NSD1: variants seen among roughly 807,000 people sequenced by gnomAD.
NSD1 encodes the protein histone-lysine N-methyltransferase, H3 lysine-36 specific.
Under a neutral mutation model 242.7 loss-of-function variants are expected in NSD1, and 26 were observed. That is an observed-to-expected ratio of 0.11 (90% CI 0.08 to 0.15). The LOEUF is 0.15. NSD1 is among the 10% of genes least tolerant of loss of function. The pLI, the probability that NSD1 is intolerant of heterozygous loss-of-function variation, is 1.00. For missense variants in NSD1, 2,495 were observed against 3,272.8 expected, an observed-to-expected ratio of 0.76 and a Z score of 5.80; for synonymous variants, 1,106 against 1,178.1, an observed-to-expected ratio of 0.94 and a Z score of 1.25.
At chr5:177,137,706 T>G (rs949871155) in intron 2 of NSD1, among the ~76,000 whole-genome samples, 9 of 152,088 alleles carry the variant, frequency 5.9e-5, no homozygotes, top group African/African-American at 2.2e-4. Context: ...AGAATGGAGA[T>G]AGATGTTTCT....
intron 5 of NSD1, among the ~76,000 whole-genome samples, chr5:177,223,208 A>G (rs985792965): frequency 1.6e-4 from 24 of 151,518 alleles, no homozygotes; most frequent in Non-Finnish European, 3.2e-4. Flanking sequence ...CAGCCTCCCA[A>G]GTAGCTGGGA....
At chr5:177,173,445 T>G (rs1363676291) in intron 2 of NSD1, among the ~76,000 whole-genome samples, 3 of 148,612 alleles carry the variant, frequency 2.0e-5, no homozygotes. Flanking sequence ...CATTGCAGAA[T>G]CTAAAATATT....
intron 2 of NSD1, among the ~76,000 whole-genome samples, chr5:177,143,196 G>A (rs1392993888): frequency 6.6e-6 from 1 of 152,090 alleles, no homozygotes; most frequent in African/African-American, 2.4e-5. Context: ...TTACAGGTTG[G>A]TTGGTTTTTT....
chr5:177,209,116 T>C (rs1229735307), intron 4 of NSD1, among the ~76,000 whole-genome samples: 3 of 152,136 alleles, frequency 2.0e-5, no homozygotes, highest in Admixed American at 1.3e-4. Flanking sequence ...GACATAATCT[T>C]ATTAGCAGAA....
intron 12 of NSD1, among the ~76,000 whole-genome samples, chr5:177,254,998 G>T (rs1201198016): frequency 6.6e-6 from 1 of 152,016 alleles, no homozygotes; most frequent in African/African-American, 2.4e-5. Context: ...CAATAGGGTG[G>T]TCACATCATT....
chr5:177,133,528 C>A (rs1405555533), upstream of NSD1: 1 of 151,268 alleles, frequency 6.6e-6, no homozygotes. This position sits in a 1 kb window ranked among gnomAD's most constrained non-coding sequence, Gnocchi z 6.2. Context: ...CCGTAGGCCC[C>A]GGCCGCGAGC....
chr5:177,288,634 T>C (rs1202024896), intron 20 of NSD1, 185 bp from the exon 21 acceptor site: 1 of 558,292 alleles, frequency 1.8e-6, no homozygotes, highest in African/African-American at 1.9e-5. Flanking sequence ...ATTTAAGTTT[T>C]CTCTGTTAAA....
chr5:177,228,569 C>CT (rs1297915560), intron 5 of NSD1, among the ~76,000 whole-genome samples: 36 of 150,682 alleles, frequency 2.4e-4, no homozygotes, highest in African/African-American at 6.6e-4. Context: ...GGGTTTTTGC[C>CT]TTTTTTTTTG....
Position 177,269,915 on chromosome 5 carries a change from C to G in NSD1, c.5509+108C>G. The G allele has an allele frequency of 2.2e-6, 2 of 914,412 alleles. No individual in the cohort carries two copies. Among genetic ancestry groups the G allele is most frequent in the South Asian group, 1.7e-5 (1 of 57,804 alleles). The allele number at this position is 914,412 out of a possible 1,614,324, so 56.6% of individuals were successfully genotyped here. A position where few individuals can be genotyped will look rare whatever the true frequency, so the allele number is the denominator to read the frequency against. On this transcript the variant is annotated intron_variant, in intron 16 of 22. Coordinates refer to ENST00000439151, the MANE Select transcript of NSD1 (RefSeq NM_022455.5). The surrounding 1 kb of genome is among the most constrained non-coding windows in gnomAD (Gnocchi z 5.1). ...TCCATTTTGAAACTGCCTTTGTCCT[C>G]TCAGGGCATTATCTGGCTGCAAATA...
At position 177,180,117 on chromosome 5, in the gene NSD1, CAG is replaced by C. The variant is rs1246511643; in HGVS notation, c.928-11764_928-11763del. ...TATTTATTTATTTTTTTTTTTGAGA[CAG>C]AGTCTCGCTGTGTTGCCCAGGCTGG... On this transcript the variant is annotated intron_variant, in intron 2 of 22. Transcript: ENST00000439151. Among the ~76,000 whole-genome samples, 3 of 148,700 alleles carry C rather than the reference CAG, an allele frequency of 2.0e-5. No individual in the cohort carries two copies. In the East Asian group the frequency reaches 5.9e-4, roughly 29 times the overall value.
chr5:177,285,327 G>T (rs1326924200), intron 20 of NSD1, among the ~76,000 whole-genome samples: 1 of 151,924 alleles, frequency 6.6e-6, no homozygotes, highest in Non-Finnish European at 1.5e-5. Context: ...ACTTTGGGAG[G>T]CCAACACGGG....
At chr5:177,144,241 A>T (rs557171029) in intron 2 of NSD1, among the ~76,000 whole-genome samples, 16 of 150,888 alleles carry the variant, frequency 1.1e-4, no homozygotes, top group African/African-American at 3.9e-4. Context: ...TTTCTTTCTG[A>T]GACAGGGTCT....
rs1367886774 is a variant in NSD1 at position 177,299,995 on chromosome 5, C to T, written c.*4536C>T. 4 of 231,232 alleles carry T rather than the reference C, an allele frequency of 1.7e-5. No homozygotes were observed. The highest frequency in any genetic ancestry group is 5.7e-5 in the Admixed American group (1 of 17,594). The allele number at this position is 231,232 out of a possible 1,614,324, so 14.3% of individuals were successfully genotyped here. ...GAGGCAAGCTGACGATAGACATCTA[C>T]CTATATTGTTAAGAAAGGGGTCGGG... On this transcript the variant is annotated 3_prime_UTR_variant, in exon 23 of 23. Transcript: ENST00000439151.
intron 5 of NSD1, among the ~76,000 whole-genome samples, chr5:177,213,837 C>T (rs561455749): frequency 6.6e-6 from 1 of 152,178 alleles, no homozygotes; most frequent in Admixed American, 6.5e-5. Context: ...TGGAATCATA[C>T]AATATATGGT....
chr5:177,273,709 G>A lies in NSD1; in HGVS notation c.5547G>A (p.Lys1849=), dbSNP rs753676630. The stretch of plus-strand genomic sequence containing the variant: ...CTGCAGCAAGGTTTGAGGAATTAAA[G>A]GCCCAAAAAGAGCTAAGACAGCTGC... ...QEAAARFEEL[K]AQKELRQLQE... is the part of the protein sequence containing the mutation. The change falls in exon 17 of 23, where the codon AAG becomes AAA. Residue 1849 remains lysine, a synonymous_variant. Transcript: ENST00000439151. 7 of 1,613,726 alleles carry A rather than the reference G, an allele frequency of 4.3e-6. No individual in the cohort carries two copies. The highest frequency in any genetic ancestry group is 2.2e-5 in the East Asian group (1 of 44,872).
chr5:177,178,999 G>A (rs182710425), intron 2 of NSD1, among the ~76,000 whole-genome samples: 9 of 152,254 alleles, frequency 5.9e-5, no homozygotes, highest in African/African-American at 2.2e-4. Context: ...GCTGAGTTAT[G>A]AAGTATAAGT....
chr5:177,222,286 G>A (rs562821522), intron 5 of NSD1, among the ~76,000 whole-genome samples: 16 of 152,106 alleles, frequency 1.1e-4, no homozygotes, highest in Middle Eastern at 3.4e-3. Flanking sequence ...GCACCACCAC[G>A]CCCAGCTAAT....
intron 2 of NSD1, among the ~76,000 whole-genome samples, chr5:177,184,944 A>T (rs886895537): frequency 6.6e-6 from 1 of 152,118 alleles, no homozygotes; most frequent in Non-Finnish European, 1.5e-5. Flanking sequence ...TAGGCTTTGG[A>T]TATCATATAA....
chr5:177,252,536 G>GTTTTTTTTTTT (rs1362275540), intron 12 of NSD1, among the ~76,000 whole-genome samples: 2 of 98,994 alleles, frequency 2.0e-5, no homozygotes, highest in African/African-American at 4.3e-5. Flanking sequence ...AAAGTAAAGT[G>GTTTTTTTTTTT]TTCTTTTTTT....
Sources: gnomAD v4.1 joint callset for allele counts (sites outside exome capture counted in the v4.1 genomes callset) on GRCh38, gnomAD v4.1.1 for gene constraint, Gnocchi (gnomAD v3.1) non-coding constraint, MANE v1.5 for transcripts, NCBI Gene and HGNC (gene_info 2026-07-23, HGNC 2026-07-21) for gene names.